The following SHISA9 variants were observed in gnomAD, a reference collection of about 807,000 sequenced individuals.
SHISA9 encodes protein shisa-9.
In SHISA9, 13 loss-of-function variants were observed where a neutral mutation model predicts 38.0. That is an observed-to-expected ratio of 0.34 (90% CI 0.22 to 0.54). The LOEUF (loss-of-function observed/expected upper bound fraction) is 0.54. Ranked by LOEUF, SHISA9 falls within the 20% of genes least tolerant of loss-of-function variation. The pLI, the probability that SHISA9 is intolerant of heterozygous loss-of-function variation, is 0.91. For synonymous variants in SHISA9, 275 were observed against 242.0 expected (o/e 1.14, Z -1.27); for missense variants, 538 against 575.8 (o/e 0.93, Z 0.67).
chr16:13,115,912 C>T (rs913454346), intron 2 of SHISA9, among the ~76,000 whole-genome samples: 5 of 152,172 alleles, frequency 3.3e-5, no homozygotes, highest in African/African-American at 1.2e-4. Context: ...TTCTGATGAC[C>T]TATAATCCTC....
the SHISA9 span, among the ~76,000 whole-genome samples, chr16:13,496,363 C>T: frequency 5.9e-5 from 9 of 151,870 alleles, no homozygotes; most frequent in Admixed American, 4.6e-4. Context: ...GATTAAGTAA[C>T]AATAAGGCAC....
At position 13,116,395 on chromosome 16, in the gene SHISA9, G is replaced by A. The variant is rs188713338; in HGVS notation, c.692-86999G>A. On this transcript the variant is annotated intron_variant, in intron 2 of 4. Transcript: ENST00000558583. ...TTTGGCTCTGAGACAGCTTGTCAGA[G>A]CACCATGGTTTATAGTATGGCAGAG... is the stretch of plus-strand genomic sequence containing the variant. Among the ~76,000 whole-genome samples the A allele has an allele frequency of 9.8e-5, 15 of 152,312 alleles. No individual in the cohort carries two copies. The East Asian group carries it at 2.3e-3, about 24-fold the overall frequency.
At chr16:13,009,635 T>G (rs1375950425) in intron 2 of SHISA9, among the ~76,000 whole-genome samples, 1 of 151,976 alleles carries the variant, frequency 6.6e-6, no homozygotes, top group African/African-American at 2.4e-5. Flanking sequence ...GTAATCAGAG[T>G]TTGCAAGAGT....
the SHISA9 span, among the ~76,000 whole-genome samples, chr16:13,397,415 G>GGTTT: frequency 0.25 from 38,609 of 151,758 alleles, 5,262 homozygotes; most frequent in African/African-American, 0.36. Context: ...CAGTGTTTTT[G>GGTTT]GTTTGTTTGT....
At chr16:13,430,337 C>T in the SHISA9 span, among the ~76,000 whole-genome samples, 1 of 152,144 alleles carries the variant, frequency 6.6e-6, no homozygotes, top group Non-Finnish European at 1.5e-5. Flanking sequence ...CATCCTGTGT[C>T]TCCATGTAAC....
At chr16:13,532,413 C>G in the SHISA9 span, among the ~76,000 whole-genome samples, 3 of 152,154 alleles carry the variant, frequency 2.0e-5, no homozygotes, top group South Asian at 4.1e-4. Context: ...AGCCACAAAT[C>G]ACATCAAACC....
chr16:13,419,465 A>G, the SHISA9 span, among the ~76,000 whole-genome samples: 1 of 152,356 alleles, frequency 6.6e-6, no homozygotes, highest in African/African-American at 2.4e-5. Flanking sequence ...AACAACTCAT[A>G]AGAACAACTA....
At chr16:13,141,673 C>T (rs1328284900) in intron 2 of SHISA9, among the ~76,000 whole-genome samples, 2 of 152,162 alleles carry the variant, frequency 1.3e-5, no homozygotes, top group East Asian at 1.9e-4. Flanking sequence ...CAGAGCAAGA[C>T]TCCATCTCAA....
At chr16:13,542,736 T>G in the SHISA9 span, among the ~76,000 whole-genome samples, 1 of 152,204 alleles carries the variant, frequency 6.6e-6, no homozygotes, top group Non-Finnish European at 1.5e-5. Flanking sequence ...TAAATCAAAA[T>G]AAGCAACTGA....
At chr16:13,011,492 C>T (rs895972934) in intron 2 of SHISA9, among the ~76,000 whole-genome samples, 11 of 152,076 alleles carry the variant, frequency 7.2e-5, no homozygotes, top group African/African-American at 2.7e-4. Context: ...CCTCGTCCCA[C>T]CCCATCCCTG....
the SHISA9 span, among the ~76,000 whole-genome samples, chr16:13,360,491 A>G: frequency 3.3e-5 from 5 of 152,118 alleles, no homozygotes; most frequent in African/African-American, 4.8e-5. Flanking sequence ...TGATGTTTTT[A>G]TAATGGGCTT....
intron 2 of SHISA9, among the ~76,000 whole-genome samples, chr16:13,074,391 C>G (rs2073556412): frequency 6.6e-6 from 1 of 152,148 alleles, no homozygotes; most frequent in African/African-American, 2.4e-5. Context: ...TGGCTCAGAG[C>G]TGTGCCTCTC....
At chr16:13,061,279 A>G (rs1395808966) in intron 2 of SHISA9, among the ~76,000 whole-genome samples, 1 of 152,200 alleles carries the variant, frequency 6.6e-6, no homozygotes, top group Non-Finnish European at 1.5e-5. Flanking sequence ...ACACGGCGTT[A>G]AAAGAATCAT....
intron 2 of SHISA9, among the ~76,000 whole-genome samples, chr16:13,093,107 C>T (rs190282299): frequency 3.3e-5 from 5 of 152,082 alleles, no homozygotes; most frequent in African/African-American, 1.2e-4. Context: ...GGCATAGAGT[C>T]CTGGGTTCTG....
At chr16:13,201,343 A>G (rs1162528887) in intron 2 of SHISA9, among the ~76,000 whole-genome samples, 1 of 136,318 alleles carries the variant, frequency 7.3e-6, no homozygotes, top group East Asian at 2.0e-4. Flanking sequence ...ACTTTAAGTC[A>G]TCTCTAGATT....
the SHISA9 span, among the ~76,000 whole-genome samples, chr16:13,307,580 C>G: frequency 6.6e-6 from 1 of 152,222 alleles, no homozygotes; most frequent in Non-Finnish European, 1.5e-5. Flanking sequence ...GGAATTAACA[C>G]TTCTTCCCAC....
At chr16:13,242,710 T>C (rs2051444088), downstream of SHISA9, among the ~76,000 whole-genome samples, 1 of 152,190 alleles carries the variant, frequency 6.6e-6, no homozygotes, top group Admixed American at 6.5e-5. Flanking sequence ...GAGGTTGCAG[T>C]TGATAATCTT....
At chr16:13,244,230 C>T (rs912575803), downstream of SHISA9, among the ~76,000 whole-genome samples, 3 of 152,094 alleles carry the variant, frequency 2.0e-5, no homozygotes, top group South Asian at 2.1e-4. Context: ...CCCATTATCT[C>T]GATGTATACT....
chr16:12,981,050 G>C (rs2141822896), intron 2 of SHISA9, among the ~76,000 whole-genome samples: 1 of 152,178 alleles, frequency 6.6e-6, no homozygotes, highest in South Asian at 2.1e-4. Context: ...CCAATGTGTT[G>C]TTTTTCTTTC....
Sources: gnomAD v4.1 joint callset for allele counts (sites outside exome capture counted in the v4.1 genomes callset) on GRCh38, gnomAD v4.1.1 for gene constraint, MANE v1.5 for transcripts, NCBI Gene and HGNC (gene_info 2026-07-23, HGNC 2026-07-21) for gene names.